QPCT: variants seen among roughly 807,000 people sequenced by gnomAD.
QPCT encodes the protein EC.
In QPCT, 44 loss-of-function variants were observed where a neutral mutation model predicts 43.4. The ratio of observed to expected loss-of-function variants is 1.01; its 90% CI spans 0.80 to 1.30. QPCT has a LOEUF of 1.30. Ranked by LOEUF, QPCT falls within the 50% of genes most tolerant of loss-of-function variation. The probability of loss-of-function intolerance (pLI) is 0.00; values close to 1 mark genes in which losing one functional copy is unlikely to be tolerated. For missense variants in QPCT, 526 were observed against 436.5 expected (o/e 1.21, Z -1.83); for synonymous variants, 168 against 168.4 (o/e 1.00, Z 0.02).
In QPCT at chr2:37,373,118, A is replaced by T. The variant is rs1356463446; in HGVS notation, c.*291A>T. 4.8e-6 allele frequency: 1 copy of T among 208,262 alleles called. No individual in the cohort carries two copies. The highest frequency in any genetic ancestry group is 9.5e-6 in the Non-Finnish European group (1 of 105,338). 12.9% of individuals were successfully genotyped at this position (208,262 alleles called of 1,614,324 possible). ...CTTTTAGATAAACACGATGAGGCAA[A>T]ATCAGGTTCATTCATTCAACGATAG... On this transcript the variant is annotated 3_prime_UTR_variant, in exon 7 of 7. Transcript: ENST00000338415.
Position 37,372,395 on chromosome 2 carries a change from C to A in QPCT, c.863C>A (p.Ser288Tyr). The change falls in exon 6 of 7, where the codon TCT (serine) becomes TAT (tyrosine). Residue 288 changes from serine to tyrosine, a missense_variant. Physicochemically the swap from Ser to Tyr is moderately radical, Grantham distance 144 (BLOSUM62 -2). Coordinates refer to ENST00000338415, the MANE Select transcript of QPCT (RefSeq NM_012413.4). ...LHELGLLKDHSLEGRYFQNYS... is the reference protein window; with the variant it reads ...LHELGLLKDHYLEGRYFQNYS... ...GAATTGGGTTTGCTCAAGGATCACT[C>A]TTTGGAGGGGCGGTATTTCCAGAAT... The A allele has an allele frequency of 2.5e-6, 4 of 1,614,094 alleles. No homozygotes were observed. The highest frequency in any genetic ancestry group is 3.4e-6 in the Non-Finnish European group (4 of 1,179,982).
intron 3 of QPCT, among the ~76,000 whole-genome samples, chr2:37,363,474 A>AAAAAT (rs1218519469): frequency 6.6e-6 from 1 of 150,394 alleles, no homozygotes; most frequent in African/African-American, 2.4e-5. Flanking sequence ...AAAAAAAAAA[A>AAAAAT]AAAAAAATTA....
At position 37,344,979 on chromosome 2, in the gene QPCT, G is replaced by C. The variant is rs959741576; in HGVS notation, c.120+128G>C. 5 of 1,357,926 alleles carry C rather than the reference G, an allele frequency of 3.7e-6. No homozygotes were observed. In the African/African-American group the frequency reaches 4.6e-5, roughly 12 times the overall value. The allele number at this position is 1,357,926 out of a possible 1,614,324, so 84.1% of individuals were successfully genotyped here. A position where few individuals can be genotyped will look rare whatever the true frequency, so the allele number is the denominator to read the frequency against. ...GGCCACGGTCCCCAGCCCAGGCACC[G>C]GCGCCCCACCCGGCGCCCGGAGGAG... On this transcript the variant is annotated intron_variant, in intron 1 of 6. Transcript: ENST00000338415.
intron 2 of QPCT, among the ~76,000 whole-genome samples, chr2:37,358,461 C>CA (rs573104238): frequency 6.6e-6 from 1 of 151,242 alleles, no homozygotes; most frequent in African/African-American, 2.5e-5. Flanking sequence ...CAAAACAAAA[C>CA]AAACAAACAA....
chr2:37,359,468 G>A, intron 2 of QPCT, 112 bp from the exon 3 acceptor site: 8 of 920,942 alleles, frequency 8.7e-6, no homozygotes, highest in South Asian at 6.9e-5. Context: ...AATTCATTAA[G>A]TGTGTATTCC....
At chr2:37,355,657 A>G (rs946696400) in intron 2 of QPCT, among the ~76,000 whole-genome samples, 1 of 152,262 alleles carries the variant, frequency 6.6e-6, no homozygotes, top group East Asian at 1.9e-4. Flanking sequence ...AAAGCTGCCT[A>G]TTGGATTATT....
At chr2:37,364,441 A>G (rs1672915276) in intron 3 of QPCT, among the ~76,000 whole-genome samples, 1 of 152,226 alleles carries the variant, frequency 6.6e-6, no homozygotes, top group Non-Finnish European at 1.5e-5. Flanking sequence ...TTCTTAAAAA[A>G]CAAAACCAGA....
chr2:37,357,315 A>ATTT (rs397973663), intron 2 of QPCT, among the ~76,000 whole-genome samples: 1 of 140,672 alleles, frequency 7.1e-6, no homozygotes, highest in African/African-American at 2.6e-5. Flanking sequence ...ATTTTGTGGA[A>ATTT]TTTTTTTTTT....
chr2:37,347,198 TATATATAAC>T (rs1306374037), intron 1 of QPCT, among the ~76,000 whole-genome samples: 16 of 101,402 alleles, frequency 1.6e-4, no homozygotes, highest in African/African-American at 2.6e-4. Flanking sequence ...ATATAACATA[TATATATAAC>T]ATATATATAA....
At chr2:37,352,141 AC>A (rs1443831961) in intron 1 of QPCT, among the ~76,000 whole-genome samples, 2 of 152,280 alleles carry the variant, frequency 1.3e-5, no homozygotes, top group East Asian at 3.9e-4. Flanking sequence ...ACTTCATTTA[AC>A]CTAATATGTC....
chr2:37,362,931 A>G (rs1470657471), intron 3 of QPCT, among the ~76,000 whole-genome samples: 1 of 144,032 alleles, frequency 6.9e-6, no homozygotes, highest in East Asian at 1.9e-4. Context: ...TTTGCCACAG[A>G]TGAGAAAATA....
intron 5 of QPCT, 109 bp from the exon 6 acceptor site, chr2:37,372,247 A>G (rs370745161): frequency 5.7e-5 from 47 of 818,602 alleles, no homozygotes; most frequent in East Asian, 2.4e-4. Context: ...AATCTTTTAC[A>G]AATTATGGAC....
intron 1 of QPCT, among the ~76,000 whole-genome samples, chr2:37,348,982 C>T (rs1437489776): frequency 3.3e-5 from 5 of 152,222 alleles, no homozygotes; most frequent in Non-Finnish European, 7.3e-5. Context: ...CTCATCTCCA[C>T]CTAAATTTGT....
chr2:37,363,506 C>G (rs996543870), intron 3 of QPCT, among the ~76,000 whole-genome samples: 3 of 150,078 alleles, frequency 2.0e-5, no homozygotes, highest in Non-Finnish European at 4.4e-5. Flanking sequence ...TGGTACACAC[C>G]TGTAATCCTA....
At position 37,345,127 on chromosome 2, in the gene QPCT, C is replaced by T. The variant is rs993536828; in HGVS notation, c.120+276C>T. On this transcript the variant is annotated intron_variant, in intron 1 of 6. Transcript: ENST00000338415. Reference sequence around the variant, plus strand: ...GCGGTCTGATGGGGGTGCTGATAGGCACAGGAAATGTGTCTCGCCGGCGGC... The same window carrying T: ...GCGGTCTGATGGGGGTGCTGATAGGTACAGGAAATGTGTCTCGCCGGCGGC... Among the ~76,000 whole-genome samples the T allele has an allele frequency of 9.2e-5, 14 of 152,284 alleles. No homozygotes were observed. In the East Asian group the frequency reaches 1.7e-3, roughly 19 times the overall value.
chr2:37,344,725 C>T lies in QPCT; in HGVS notation c.-7C>T, dbSNP rs11555868. 5 of 1,599,442 alleles carry T rather than the reference C, an allele frequency of 3.1e-6. No individual in the cohort carries two copies. Among genetic ancestry groups the T allele is most frequent in the Non-Finnish European group, 4.3e-6 (5 of 1,174,252 alleles). ...CGGGGAACCCGCTCCCAGACAGACT[C>T]GGAGAGATGGCAGGCGGAAGACACC... On this transcript the variant is annotated 5_prime_UTR_variant, in exon 1 of 7. Transcript: ENST00000338415.
chr2:37,357,438 T>C (rs968440573), intron 2 of QPCT, among the ~76,000 whole-genome samples: 2 of 152,200 alleles, frequency 1.3e-5, no homozygotes, highest in Non-Finnish European at 2.9e-5. Flanking sequence ...TAGTTTTATA[T>C]ATTCTCATTA....
At chr2:37,368,911 A>G (rs1673018340) in intron 4 of QPCT, among the ~76,000 whole-genome samples, 1 of 152,056 alleles carries the variant, frequency 6.6e-6, no homozygotes. Context: ...AAAGAAGCCT[A>G]TTTTTTCCTA....
chr2:37,360,857 T>C (rs1322560820), intron 3 of QPCT, among the ~76,000 whole-genome samples: 1 of 152,210 alleles, frequency 6.6e-6, no homozygotes, highest in African/African-American at 2.4e-5. Context: ...AGCAATTGGA[T>C]GAAGGAGTTC....
Sources: gnomAD v4.1 joint callset for allele counts (sites outside exome capture counted in the v4.1 genomes callset) on GRCh38, gnomAD v4.1.1 for gene constraint, MANE v1.5 for transcripts, NCBI Gene and HGNC (gene_info 2026-07-23, HGNC 2026-07-21) for gene names.